Variants in CIT observed in about 807,000 individuals in gnomAD.
The protein encoded by CIT is citron rho-interacting serine/threonine kinase.
A neutral mutation model predicts 272.7 loss-of-function variants in CIT; 79 were observed. That is an observed-to-expected ratio of 0.29 (90% confidence interval 0.24 to 0.35). The LOEUF is 0.35. Ranked by LOEUF, CIT falls within the 10% of genes least tolerant of loss-of-function variation. The probability of loss-of-function intolerance (pLI) is 1.00; values close to 1 mark genes in which losing one functional copy is unlikely to be tolerated. For synonymous variants in CIT, 948 were observed against 995.6 expected (o/e 0.95, Z 0.90); for missense variants, 1,909 against 2,618.3 (o/e 0.73, Z 5.91).
intron 28 of CIT, among the ~76,000 whole-genome samples, chr12:119,722,848 G>A (rs796576389): frequency 5.9e-5 from 9 of 151,828 alleles, no homozygotes; most frequent in South Asian, 2.1e-4. Context: ...TCATCCTCCC[G>A]TCTGCCTTTC....
In CIT at chr12:119,718,508, C is replaced by G; in HGVS notation, c.4004-99G>C. ...GGGCTATCTTTCAAGGACCCAAGAC[C>G]AAAAGAATATGCGTCACATCAACTT... On this transcript the variant is annotated intron_variant, in intron 31 of 47. Coordinates refer to ENST00000392521, the MANE Select transcript of CIT (RefSeq NM_001206999.2). The surrounding 1 kb of genome is among the most constrained non-coding windows in gnomAD (Gnocchi z 4.8). The G allele has an allele frequency of 3.4e-6, 5 of 1,475,816 alleles. No individual in the cohort carries two copies. The highest frequency in any genetic ancestry group is 4.6e-6 in the Non-Finnish European group (5 of 1,089,962). The allele number at this position is 1,475,816 out of a possible 1,614,324, so 91.4% of individuals were successfully genotyped here.
chr12:119,735,262 C>T lies in CIT; in HGVS notation c.3054G>A (p.Glu1018=), dbSNP rs764173407. 32 of 1,614,190 alleles carry T rather than the reference C, an allele frequency of 2.0e-5. No individual in the cohort carries two copies. Among genetic ancestry groups the T allele is most frequent in the Non-Finnish European group, 2.5e-5 (30 of 1,180,040 alleles). The change falls in exon 25 of 48, where the codon GAG becomes GAA. Residue 1018 remains glutamate, a synonymous_variant. Coordinates refer to ENST00000392521, the MANE Select transcript of CIT (RefSeq NM_001206999.2). The stretch of plus-strand genomic sequence containing the variant: ...CAATCTCGTCGTTGGCGCCAGAAGC[C>T]TCATCGAGTTGTTTGGACAAGTAGA... ...QNFYLSKQLD[E]ASGANDEIVQ...
In CIT at chr12:119,714,190, A is replaced by G. The variant is rs773828039; in HGVS notation, c.4306+7T>C. On this transcript the variant is annotated splice_region_variant and intron_variant, in intron 33 of 47. Transcript: ENST00000392521. ...GCCCAGCACAGATGCACAACTACTGATCTTACCGAGACATTTGGATGCCTG... is the reference window on the plus strand; with the variant it reads ...GCCCAGCACAGATGCACAACTACTGGTCTTACCGAGACATTTGGATGCCTG... The G allele has an allele frequency of 2.5e-6, 4 of 1,614,102 alleles. No individual in the cohort carries two copies. The Admixed American group carries it at 5.0e-5, about 20-fold the overall frequency.
At chr12:119,787,749 A>AAAAAT (rs1964933751) in intron 10 of CIT, among the ~76,000 whole-genome samples, 1 of 132,866 alleles carries the variant, frequency 7.5e-6, no homozygotes, top group Non-Finnish European at 1.6e-5. Flanking sequence ...AAAAAAAAAA[A>AAAAAT]GCAAATAAAT....
At chr12:119,731,523 G>T (rs919046873) in intron 26 of CIT, among the ~76,000 whole-genome samples, 5 of 149,732 alleles carry the variant, frequency 3.3e-5, no homozygotes, top group Admixed American at 2.0e-4. Context: ...TGAATCTGAT[G>T]AGTGTCTCCA....
At chr12:119,856,356 C>T (rs1438549542) in intron 4 of CIT, among the ~76,000 whole-genome samples, 2 of 152,158 alleles carry the variant, frequency 1.3e-5, no homozygotes, top group South Asian at 2.1e-4. Flanking sequence ...CATGGTTGTA[C>T]AACATCATGA....
intron 23 of CIT, among the ~76,000 whole-genome samples, chr12:119,747,384 G>A (rs1425091948): frequency 1.4e-5 from 2 of 147,544 alleles, no homozygotes. Context: ...TCGTGCCATT[G>A]CACTCCAGCC....
intron 10 of CIT, among the ~76,000 whole-genome samples, chr12:119,793,889 C>T (rs1965517206): frequency 6.6e-6 from 1 of 152,130 alleles, no homozygotes; most frequent in Admixed American, 6.5e-5. Flanking sequence ...TGAATCTGCC[C>T]CCATCATGTA....
chr12:119,736,161 A>G (rs1958742617), intron 24 of CIT, among the ~76,000 whole-genome samples: 1 of 152,182 alleles, frequency 6.6e-6, no homozygotes, highest in Admixed American at 6.5e-5. Context: ...TTTTATGTAT[A>G]ATACCTTGGA....
At chr12:119,789,211 A>AAGG (rs1965086288) in intron 10 of CIT, among the ~76,000 whole-genome samples, 1 of 152,236 alleles carries the variant, frequency 6.6e-6, no homozygotes, top group South Asian at 2.1e-4. Flanking sequence ...AATGTACAGA[A>AAGG]AGGATTAAGA....
intron 5 of CIT, among the ~76,000 whole-genome samples, chr12:119,849,940 C>T (rs1171892758): frequency 6.6e-6 from 1 of 152,208 alleles, no homozygotes; most frequent in Non-Finnish European, 1.5e-5. Flanking sequence ...CCCGCCTCGG[C>T]CTCCCAAAAT....
At chr12:119,722,884 A>G (rs1475243152) in intron 28 of CIT, among the ~76,000 whole-genome samples, 1 of 152,040 alleles carries the variant, frequency 6.6e-6, no homozygotes, top group Non-Finnish European at 1.5e-5. Context: ...ACAAAGGAAG[A>G]GCTACCAACT....
chr12:119,840,615 G>A (rs1295070411), intron 5 of CIT, among the ~76,000 whole-genome samples: 6 of 152,170 alleles, frequency 3.9e-5, no homozygotes, highest in Admixed American at 6.5e-5. Context: ...AAATTGAAGC[G>A]GAAAAGGCCA....
rs746526012 is a variant in CIT at position 119,688,215 on chromosome 12, G to T, written c.*17C>A. On this transcript the variant is annotated 3_prime_UTR_variant, in exon 48 of 48. Coordinates refer to ENST00000392521, the MANE Select transcript of CIT (RefSeq NM_001206999.2). ...TCCTGCAGATCAAGATGAGGAGTTG[G>T]TTTTTCTGGCTGAGATTTATACTGA... 1 of 1,612,714 alleles carries T rather than the reference G, an allele frequency of 6.2e-7. No individual in the cohort carries two copies. The highest frequency in any genetic ancestry group is 8.5e-7 in the Non-Finnish European group (1 of 1,178,620).
intron 21 of CIT, 139 bp downstream of exon 21, chr12:119,758,451 CG>C: frequency 1.5e-6 from 1 of 648,918 alleles, no homozygotes; most frequent in South Asian, 1.7e-5. Context: ...GGCAAGATGA[CG>C]TAAGTATCTG....
At chr12:119,840,775 T>C (rs1034794793) in intron 5 of CIT, among the ~76,000 whole-genome samples, 3 of 152,162 alleles carry the variant, frequency 2.0e-5, no homozygotes, top group Non-Finnish European at 4.4e-5. Flanking sequence ...GAGACATGCC[T>C]GAAAAATCAG....
chr12:119,800,639 G>A (rs1966112698), intron 10 of CIT, among the ~76,000 whole-genome samples: 1 of 152,190 alleles, frequency 6.6e-6, no homozygotes, highest in Non-Finnish European at 1.5e-5. Context: ...TGTGAAGAAT[G>A]AGTAACAGCA....
rs925017381 is a variant in CIT, at chr12:119,825,218, G to A, written c.904C>T (p.Pro302Ser). The change falls in exon 8 of 48, where the codon CCC becomes TCC. Residue 302 changes from proline to serine, a missense_variant. Coordinates refer to ENST00000392521, the MANE Select transcript of CIT (RefSeq NM_001206999.2). Reference sequence around the variant, plus strand: ...CTGGCAGAGGTTCCCTCTGCGAAGGGGGATCTCCCATAAATCATCTCATAG... The same window carrying A: ...CTGGCAGAGGTTCCCTCTGCGAAGGAGGATCTCCCATAAATCATCTCATAG... ...IAYEMIYGRSPFAEGTSARTF... is the reference protein window; with the variant it reads ...IAYEMIYGRSSFAEGTSARTF... 1 of 1,614,066 alleles carries A rather than the reference G, an allele frequency of 6.2e-7. No individual in the cohort carries two copies. The highest frequency in any genetic ancestry group is 8.5e-7 in the Non-Finnish European group (1 of 1,180,010).
In CIT at chr12:119,742,424, C is replaced by T. The variant is rs144292523; in HGVS notation, c.2945G>A (p.Arg982His). Reference sequence around the variant, plus strand: ...ATTAATACTCACAGTACAGCTGTTACGAAGAGCATCAAATTTGCGCTGGAT... The same window carrying T: ...ATTAATACTCACAGTACAGCTGTTATGAAGAGCATCAAATTTGCGCTGGAT... ...DEIQRKFDALRNSCTVITDLE... is the reference protein window; with the variant it reads ...DEIQRKFDALHNSCTVITDLE... Residue 982 changes from arginine (R) to histidine (H), a missense_variant, in exon 24 of 48, where the codon CGT becomes CAT. Arg to His is a conservative substitution (Grantham distance 29). This residue lies in a region of CIT where 530 missense variants were observed against 822.4 expected (regional missense o/e 0.64). Coordinates refer to ENST00000392521, the MANE Select transcript of CIT (RefSeq NM_001206999.2). 1.2e-5 allele frequency: 19 copies of T among 1,610,058 alleles called. No homozygotes were observed. In the African/African-American group the frequency reaches 1.2e-4, roughly 10 times the overall value.
Sources: allele counts gnomAD v4.1 joint callset (sites outside exome capture counted in the v4.1 genomes callset), GRCh38; gene constraint gnomAD v4.1.1; regional missense constraint gnomAD v4.1.1; non-coding constraint Gnocchi (gnomAD v3.1); transcripts MANE v1.5; gene names NCBI Gene and HGNC (gene_info 2026-07-23, HGNC 2026-07-21).